Variants in PEAK1 observed in about 807,000 individuals in gnomAD.
The protein encoded by PEAK1 is pseudopodium enriched atypical kinase 1.
In PEAK1, 54 loss-of-function variants were observed where a neutral mutation model predicts 124.7. That is an observed-to-expected ratio of 0.43 (90% CI 0.35 to 0.54). PEAK1 has a LOEUF of 0.54. Ranked by LOEUF, PEAK1 falls within the 20% of genes least tolerant of loss-of-function variation. The pLI, the probability that PEAK1 is intolerant of heterozygous loss-of-function variation, is 0.01. For synonymous variants in PEAK1, 719 were observed against 760.0 expected, an observed-to-expected ratio of 0.95 and a Z score of 0.89; for missense variants, 2,046 against 2,134.5, an observed-to-expected ratio of 0.96 and a Z score of 0.82.
intron 6 of PEAK1, among the ~76,000 whole-genome samples, chr15:77,250,578 GCCTGCC>G (rs1192565555): frequency 6.6e-6 from 1 of 152,030 alleles, no homozygotes; most frequent in Non-Finnish European, 1.5e-5. Context: ...GACTACAGGT[GCCTGCC>G]ACCATACCAG....
chr15:77,336,158 G>C (rs2066184931), intron 2 of PEAK1: 1 of 985,414 alleles, frequency 1.0e-6, no homozygotes, highest in Non-Finnish European at 1.2e-6. Flanking sequence ...ATGAGCACAA[G>C]ACCTGCACCT....
chr15:77,250,148 T>G (rs201057489), intron 6 of PEAK1, among the ~76,000 whole-genome samples: 6 of 142,394 alleles, frequency 4.2e-5, no homozygotes, highest in Admixed American at 3.6e-4. Context: ...TGTTAAGATA[T>G]ATATATACAT....
At chr15:77,140,001 C>T (rs907331672) in intron 8 of PEAK1, among the ~76,000 whole-genome samples, 6 of 151,980 alleles carry the variant, frequency 3.9e-5, no homozygotes, top group African/African-American at 1.4e-4. Flanking sequence ...TCAACAATAA[C>T]AACTTCTTGA....
At chr15:77,122,044 C>T (rs2051965841) in intron 9 of PEAK1, among the ~76,000 whole-genome samples, 2 of 152,058 alleles carry the variant, frequency 1.3e-5, no homozygotes, top group East Asian at 1.9e-4. Context: ...CTTGATCTGC[C>T]TAGGAGGAGT....
intron 9 of PEAK1, among the ~76,000 whole-genome samples, chr15:77,132,461 A>G (rs907903854): frequency 1.4e-4 from 21 of 151,894 alleles, no homozygotes; most frequent in South Asian, 2.1e-4. Context: ...TTGGGAGGCC[A>G]AGGCGGGAGG....
intron 1 of PEAK1, among the ~76,000 whole-genome samples, chr15:77,382,328 C>A (rs897226575): frequency 3.9e-5 from 6 of 152,206 alleles, no homozygotes; most frequent in African/African-American, 1.2e-4. Context: ...CTTTCCATTT[C>A]CTCATTCACC....
intron 1 of PEAK1, chr15:77,417,463 G>GGGGGGGGGGCC: frequency 1.2e-6 from 1 of 855,824 alleles, no homozygotes; most frequent in Non-Finnish European, 1.4e-6. Flanking sequence ...GCGGGGCGGG[G>GGGGGGGGGGCC]GGGGAGGGGG....
At chr15:77,382,361 T>C (rs1156670425) in intron 1 of PEAK1, among the ~76,000 whole-genome samples, 2 of 152,230 alleles carry the variant, frequency 1.3e-5, no homozygotes, top group African/African-American at 2.4e-5. Context: ...TGAATGTCTA[T>C]AGATCCCCAG....
intron 2 of PEAK1, chr15:77,335,548 T>G: frequency 1.1e-6 from 1 of 932,440 alleles, no homozygotes; most frequent in Non-Finnish European, 1.3e-6. Flanking sequence ...GACATGATCA[T>G]AGCTCACTGC....
chr15:77,270,025 G>A (rs529089715), intron 5 of PEAK1, among the ~76,000 whole-genome samples: 1 of 152,232 alleles, frequency 6.6e-6, no homozygotes, highest in East Asian at 1.9e-4. Context: ...ATTGCACTGT[G>A]GTCTGAGAGA....
chr15:77,343,577 C>T (rs114943213), intron 2 of PEAK1, among the ~76,000 whole-genome samples: 4 of 150,828 alleles, frequency 2.7e-5, no homozygotes, highest in Non-Finnish European at 4.4e-5. Context: ...ACGTCCACCC[C>T]CTGGGTTCAA....
chr15:77,114,332 T>C lies in PEAK1; in HGVS notation c.5065A>G (p.Thr1689Ala). ...ATGTCTAGCCAGTTTTGGAGCAGGG[T>C]GTTCCTCTGTACTAGGCTAGGGCAG... is the stretch of plus-strand genomic sequence containing the variant. Reference protein sequence around the residue: ...TACPSLVQRNTLLQNWLDIKR... With the variant: ...TACPSLVQRNALLQNWLDIKR... The change falls in exon 10 of 10, where the codon ACC becomes GCC. Residue 1689 changes from threonine to alanine, a missense_variant. By Grantham distance (58) the Thr-to-Ala change is moderately conservative. Coordinates refer to ENST00000682557, the MANE Select transcript of PEAK1 (RefSeq NM_001385026.1). 6.2e-7 allele frequency: 1 copy of C among 1,614,144 alleles called. No homozygotes were observed. Among genetic ancestry groups the C allele is most frequent in the East Asian group, 2.2e-5 (1 of 44,874 alleles).
intron 2 of PEAK1, among the ~76,000 whole-genome samples, chr15:77,290,381 A>G (rs145721230): frequency 2.0e-5 from 3 of 152,130 alleles, no homozygotes; most frequent in African/African-American, 7.2e-5. Flanking sequence ...TGGCCTCCCA[A>G]AGTGTGGGAT....
At position 77,199,496 on chromosome 15, in the gene PEAK1, A is replaced by G. The variant is rs184953624; in HGVS notation, c.-114-17456T>C. Among the ~76,000 whole-genome samples, 8 of 152,354 alleles carry G rather than the reference A, an allele frequency of 5.3e-5. No homozygotes were observed. In the East Asian group the frequency reaches 1.3e-3, roughly 26 times the overall value. On this transcript the variant is annotated intron_variant, in intron 6 of 9. Transcript: ENST00000682557. The stretch of plus-strand genomic sequence containing the variant: ...CACCATGAAAGCCTGGAAGGATTAA[A>G]CTGTTGAAGATGACATTGTTGTTAC...
intron 8 of PEAK1, among the ~76,000 whole-genome samples, chr15:77,147,094 G>T (rs2054228320): frequency 6.6e-6 from 1 of 152,156 alleles, no homozygotes; most frequent in Admixed American, 6.6e-5. Flanking sequence ...CTATAGAAAG[G>T]AAACAGAGGC....
intron 1 of PEAK1, among the ~76,000 whole-genome samples, chr15:77,410,591 T>G (rs1216328475): frequency 6.6e-6 from 1 of 152,274 alleles, no homozygotes; most frequent in Admixed American, 6.5e-5. Context: ...GTCTTAAATT[T>G]TATAAGGGTA....
intron 5 of PEAK1, among the ~76,000 whole-genome samples, chr15:77,263,876 G>A (rs908478945): frequency 1.9e-4 from 29 of 152,056 alleles, no homozygotes; most frequent in Non-Finnish European, 2.5e-4. Context: ...CTAGCAAACC[G>A]AATCCAGCAG....
At chr15:77,370,981 G>T in intron 1 of PEAK1, 1 of 660,878 alleles carries the variant, frequency 1.5e-6, no homozygotes, top group Non-Finnish European at 1.9e-6. Context: ...AGTGAGCTGA[G>T]ATTGCGCCAC....
chr15:77,181,921 A>G lies in PEAK1; in HGVS notation c.6T>C (p.Ser2=). 1 of 1,546,126 alleles carries G rather than the reference A, an allele frequency of 6.5e-7. No individual in the cohort carries two copies. The highest frequency in any genetic ancestry group is 1.2e-5 in the South Asian group (1 of 80,436). The stretch of plus-strand genomic sequence containing the variant: ...CATGTTCAGTAAAGGTGTTACAAGC[A>G]GACATTTTTAAAAATAGAACTTCAC... M[S]ACNTFTEHVW... is the part of the protein sequence containing the mutation. The change falls in exon 7 of 10, where the codon TCT becomes TCC. Residue 2 remains serine, a synonymous_variant. Coordinates refer to ENST00000682557, the MANE Select transcript of PEAK1 (RefSeq NM_001385026.1).
Sources: allele counts gnomAD v4.1 joint callset (sites outside exome capture counted in the v4.1 genomes callset), GRCh38; gene constraint gnomAD v4.1.1; transcripts MANE v1.5; gene names NCBI Gene and HGNC (gene_info 2026-07-23, HGNC 2026-07-21).